The following PER2 variants were observed in gnomAD, a reference collection of about 807,000 sequenced individuals.
The protein encoded by PER2 is period circadian regulator 2, also known as period circadian protein homolog 2.
Under a neutral mutation model 121.0 loss-of-function variants are expected in PER2, and 66 were observed. The ratio of observed to expected loss-of-function variants is 0.55; its 90% confidence interval spans 0.45 to 0.67. PER2 has a LOEUF of 0.67. PER2 is among the 30% of genes least tolerant of loss of function. The pLI is 0.00. For synonymous variants in PER2, 684 were observed against 659.9 expected (o/e 1.04, Z -0.56); for missense variants, 1,521 against 1,635.0 (o/e 0.93, Z 1.20).
chr2:238,277,974 C>A lies in PER2; in HGVS notation c.-19-19G>T. ...AACGAAGCTGGCAAACAGAGGGATG[C>A]TGTCACGCATTAACAAGCACACGCA... is the stretch of plus-strand genomic sequence containing the variant. On this transcript the variant is annotated intron_variant, in intron 1 of 22. Transcript: ENST00000254657. 6.2e-7 allele frequency: 1 copy of A among 1,606,034 alleles called. No individual in the cohort carries two copies. The highest frequency in any genetic ancestry group is 8.5e-7 in the Non-Finnish European group (1 of 1,177,010).
intron 8 of PER2, among the ~76,000 whole-genome samples, chr2:238,266,950 G>T (rs1696131748): frequency 6.6e-6 from 1 of 151,750 alleles, no homozygotes; most frequent in Non-Finnish European, 1.5e-5. Flanking sequence ...TTGGGAGGCT[G>T]AGGCAGGAGA....
chr2:238,284,087 T>G (rs1044799870), intron 1 of PER2, among the ~76,000 whole-genome samples: 3 of 152,182 alleles, frequency 2.0e-5, no homozygotes, highest in Admixed American at 1.3e-4. Context: ...AAGGATTAAA[T>G]GACACAACCC....
intron 6 of PER2, 49 bp from the exon 7 acceptor site, chr2:238,269,023 A>G (rs1336899862): frequency 2.2e-6 from 3 of 1,343,044 alleles, no homozygotes; most frequent in African/African-American, 2.9e-5. Flanking sequence ...AACTAAATAC[A>G]GTGTTCCTCA....
At chr2:238,271,622 G>A in intron 5 of PER2, 109 bp from the exon 6 acceptor site, 2 of 817,250 alleles carry the variant, frequency 2.4e-6, no homozygotes, top group South Asian at 1.4e-5. Flanking sequence ...CGTTGGAGGT[G>A]GGGGGCTCTC....
At chr2:238,261,702 AG>A in intron 12 of PER2, 26 bp downstream of exon 12, 1 of 1,449,636 alleles carries the variant, frequency 6.9e-7, no homozygotes, top group South Asian at 1.2e-5. Flanking sequence ...GCTACCTGGG[AG>A]GAGGACATGC....
chr2:238,246,477 T>C lies in PER2; in HGVS notation c.3666A>G (p.Pro1222=). The C allele has an allele frequency of 6.3e-7, 1 of 1,593,334 alleles. No individual in the cohort carries two copies. Among genetic ancestry groups the C allele is most frequent in the South Asian group, 1.1e-5 (1 of 90,588 alleles). Residue 1222 remains proline, a synonymous_variant, in exon 23 of 23, where the codon CCA becomes CCG. Coordinates refer to ENST00000254657, the MANE Select transcript of PER2 (RefSeq NM_022817.3). ...CCAGAGAAGGAATATCTTCCTCATA[T>C]GGTATGCAAATATTACCTTTTTCCT... ...ENKEKGNICI[P]YEEDIPSLGL... is the part of the protein sequence containing the mutation.
At position 238,277,898 on chromosome 2, in the gene PER2, G is replaced by T; in HGVS notation, c.39C>A (p.Asn13Lys). The change falls in exon 2 of 23, where the codon AAC becomes AAA. Residue 13 changes from asparagine to lysine, a missense_variant. Transcript: ENST00000254657. ...GGGGCTCCACGGGCTCCTTGGTGGG[G>T]TTACTGGGGCTGGGCGGAAATTCCG... ...GYAEFPPSPS[N>K]PTKEPVEPQP... 1.2e-6 allele frequency: 2 copies of T among 1,614,068 alleles called. No homozygotes were observed. The highest frequency in any genetic ancestry group is 1.7e-6 in the Non-Finnish European group (2 of 1,180,038).
chr2:238,278,074 T>TCTC, intron 1 of PER2, 119 bp from the exon 2 acceptor site: 1 of 922,326 alleles, frequency 1.1e-6, no homozygotes. Context: ...AGTCTCTTTC[T>TCTC]TTCTTCTCTC....
At chr2:238,275,609 A>G (rs1696427566) in intron 4 of PER2, 134 bp downstream of exon 4, 5 of 959,500 alleles carry the variant, frequency 5.2e-6, no homozygotes, top group Middle Eastern at 3.1e-4. Context: ...GAATCGCTTA[A>G]GCCCAGAAGT....
Position 238,245,414 on chromosome 2 carries a change from T to G in PER2, c.*961A>C. 7.6e-6 allele frequency: 3 copies of G among 396,174 alleles called. No homozygotes were observed. The highest frequency in any genetic ancestry group is 1.3e-5 in the Non-Finnish European group (3 of 224,958). The allele number at this position is 396,174 out of a possible 1,614,324, so 24.5% of individuals were successfully genotyped here. On this transcript the variant is annotated 3_prime_UTR_variant, in exon 23 of 23. Transcript: ENST00000254657. Reference sequence around the variant, plus strand: ...TGAAAATACAGATGCAGTCGCAAGCTGTCAGACTGAGTGGCAGTGGCTGCT... The same window carrying G: ...TGAAAATACAGATGCAGTCGCAAGCGGTCAGACTGAGTGGCAGTGGCTGCT...
At position 238,258,282 on chromosome 2, in the gene PER2, C is replaced by T. The variant is rs374614746; in HGVS notation, c.1894G>A (p.Ala632Thr). 1.6e-4 allele frequency: 253 copies of T among 1,614,196 alleles called. 1 individual carries two copies. The South Asian group carries it at 2.2e-3, about 14-fold the overall frequency. The part of the protein sequence containing the change: ...RKATVSPGPH[A>T]GEAEPPSRVN... ...CTCTACACAGATTAGATACCTCCAG[C>T]GTGTGGCCCTGGGCTGACTGTGGCC... The change falls in exon 16 of 23, where the codon GCT becomes ACT. Residue 632 changes from alanine to threonine, a missense_variant. Ala to Thr is a moderately conservative substitution (Grantham distance 58). Coordinates refer to ENST00000254657, the MANE Select transcript of PER2 (RefSeq NM_022817.3).
At chr2:238,270,681 T>A (rs1378940309) in intron 6 of PER2, among the ~76,000 whole-genome samples, 1 of 152,196 alleles carries the variant, frequency 6.6e-6, no homozygotes, top group African/African-American at 2.4e-5. Context: ...CTCCAGGGAC[T>A]AGACCAGACC....
At chr2:238,280,249 T>G (rs1696589671) in intron 1 of PER2, among the ~76,000 whole-genome samples, 1 of 152,278 alleles carries the variant, frequency 6.6e-6, no homozygotes, top group East Asian at 1.9e-4. Flanking sequence ...CTTCCCCAGG[T>G]CGAGCCCATT....
chr2:238,260,613 T>C (rs1695897174), intron 13 of PER2, among the ~76,000 whole-genome samples: 1 of 152,236 alleles, frequency 6.6e-6, no homozygotes, highest in Admixed American at 6.5e-5. Flanking sequence ...TTGTCTGTTT[T>C]AAATAATTTT....
intron 1 of PER2, 101 bp downstream of exon 1, chr2:238,288,248 C>T (rs1233891578): frequency 6.6e-6 from 1 of 152,302 alleles, no homozygotes; most frequent in Non-Finnish European, 1.5e-5. Context: ...TTGGCCTTCC[C>T]CATGCGAGGG....
At position 238,249,045 on chromosome 2, in the gene PER2, G is replaced by A. The variant is rs372517264; in HGVS notation, c.3618+17C>T. The stretch of plus-strand genomic sequence containing the variant: ...GCCTTTTAGGGCCATATCAGAAATC[G>A]AGTCCCGTGAGCTTACTGCCACGTC... On this transcript the variant is annotated intron_variant, in intron 22 of 22. Transcript: ENST00000254657. The A allele has an allele frequency of 5.7e-5, 92 of 1,613,212 alleles. No homozygotes were observed. The African/African-American group carries it at 1.0e-3, about 18-fold the overall frequency.
At chr2:238,249,841 A>G (rs912872509) in intron 21 of PER2, among the ~76,000 whole-genome samples, 28 of 152,176 alleles carry the variant, frequency 1.8e-4, no homozygotes, top group African/African-American at 2.4e-5. Context: ...CCTTGTGAAG[A>G]AGGTGCTTGC....
upstream of PER2, among the ~76,000 whole-genome samples, chr2:238,292,769 A>T (rs1338917974): frequency 1.5e-5 from 2 of 133,116 alleles, no homozygotes; most frequent in Admixed American, 8.0e-5. Flanking sequence ...ACAGAGTCTC[A>T]CTCTTTCGCC....
chr2:238,289,249 A>G (rs1696895026), upstream of PER2: 1 of 152,146 alleles, frequency 6.6e-6, no homozygotes, highest in Non-Finnish European at 1.5e-5. Flanking sequence ...GGCCGCGGGA[A>G]AGTCCGCGCG....
Sources: gnomAD v4.1 joint callset for allele counts (sites outside exome capture counted in the v4.1 genomes callset) on GRCh38, gnomAD v4.1.1 for gene constraint, MANE v1.5 for transcripts, NCBI Gene and HGNC (gene_info 2026-07-23, HGNC 2026-07-21) for gene names.